PROCR: variants seen among roughly 807,000 people sequenced by gnomAD.
PROCR encodes the protein protein C receptor.
PROCR carries 22 observed loss-of-function variants against 24.2 expected under a neutral mutation model. The observed-to-expected ratio is 0.91, with a 90% confidence interval of 0.65 to 1.30. The LOEUF is 1.30. PROCR is among the 50% of genes most tolerant of loss of function. The pLI is 0.00. For synonymous variants in PROCR, 137 were observed against 139.2 expected (o/e 0.98, Z 0.11); for missense variants, 288 against 307.7 (o/e 0.94, Z 0.48).
At chr20:35,195,467 T>A (rs2086207449) in intron 1 of PROCR, 1 of 152,146 alleles carries the variant, frequency 6.6e-6, no homozygotes, top group African/African-American at 2.4e-5. Context: ...ACCTACTATG[T>A]ACCGATAAAA....
chr20:35,178,807 G>A (rs1319228178), downstream of PROCR, among the ~76,000 whole-genome samples: 1 of 149,138 alleles, frequency 6.7e-6, no homozygotes, highest in Non-Finnish European at 1.5e-5. Flanking sequence ...GAGCCACCGC[G>A]CCCGGCCTAA....
chr20:35,211,753 C>T (rs2060363269), intron 1 of PROCR, among the ~76,000 whole-genome samples: 1 of 151,944 alleles, frequency 6.6e-6, no homozygotes, highest in Admixed American at 6.6e-5. Context: ...GTGGCTCACG[C>T]CTGTAATATC....
In PROCR at chr20:35,177,331, A is replaced by G; in HGVS notation, c.*518A>G. Reference sequence around the variant, plus strand: ...GCAGTGATCAATTATTAATCAATTAATAATATTAATAAATTTCTTATATTT... The same window carrying G: ...GCAGTGATCAATTATTAATCAATTAGTAATATTAATAAATTTCTTATATTT... On this transcript the variant is annotated 3_prime_UTR_variant, in exon 4 of 4. Transcript: ENST00000216968. 2.0e-6 allele frequency: 2 copies of G among 981,076 alleles called. No homozygotes were observed. The highest frequency in any genetic ancestry group is 2.4e-6 in the Non-Finnish European group (2 of 825,992). 60.8% of individuals were successfully genotyped at this position (981,076 alleles called of 1,614,324 possible). A position where few individuals can be genotyped will look rare whatever the true frequency, so the allele number is the denominator to read the frequency against.
At chr20:35,206,510 A>G (rs1315994716) in intron 1 of PROCR, among the ~76,000 whole-genome samples, 1 of 150,714 alleles carries the variant, frequency 6.6e-6, no homozygotes, top group African/African-American at 2.4e-5. Context: ...CTCAAAACTC[A>G]GAAATAAGAA....
chr20:35,171,997 G>A (rs1188904066), upstream of PROCR: 1 of 714,500 alleles, frequency 1.4e-6, no homozygotes, highest in Non-Finnish European at 2.5e-6. Context: ...CACTTTATAA[G>A]CCTCTTCCTC....
chr20:35,214,902 T>TTTTTG (rs1196690882), intron 1 of PROCR, among the ~76,000 whole-genome samples: 4 of 111,226 alleles, frequency 3.6e-5, no homozygotes, highest in Admixed American at 3.3e-4. Context: ...TCCCATTTTC[T>TTTTTG]TTTTCTTTTT....
At chr20:35,209,385 C>A (rs1242447218) in intron 1 of PROCR, among the ~76,000 whole-genome samples, 1 of 151,978 alleles carries the variant, frequency 6.6e-6, no homozygotes, top group Non-Finnish European at 1.5e-5. Flanking sequence ...TTTTGCAGTT[C>A]GGGAATCCCA....
At chr20:35,173,153 A>G (rs1374559034) in intron 1 of PROCR, among the ~76,000 whole-genome samples, 1 of 152,164 alleles carries the variant, frequency 6.6e-6, no homozygotes, top group East Asian at 1.9e-4. Context: ...GACTCATCCA[A>G]ATGTGCTCTG....
chr20:35,174,354 C>T (rs902866248), intron 1 of PROCR: 2 of 367,194 alleles, frequency 5.4e-6, no homozygotes, highest in East Asian at 6.5e-5. Flanking sequence ...GGAGAACAGG[C>T]GATGGAATTG....
Position 35,174,859 on chromosome 20 carries a change from C to T in PROCR, c.228C>T (p.Pro76=). 6.2e-7 allele frequency: 1 copy of T among 1,613,818 alleles called. No individual in the cohort carries two copies. Among genetic ancestry groups the T allele is most frequent in the Non-Finnish European group, 8.5e-7 (1 of 1,179,894 alleles). ...TIIQLQPLQE[P]ESWARTQSGL... ...TTCAGCTGCAGCCCTTGCAGGAGCC[C>T]GAGAGCTGGGCGCGCACGCAGAGTG... Residue 76 remains proline, a synonymous_variant, in exon 2 of 4, where the codon CCC becomes CCT. Transcript: ENST00000216968.
At chr20:35,198,795 A>ACCTC in intron 1 of PROCR, among the ~76,000 whole-genome samples, 1 of 151,706 alleles carries the variant, frequency 6.6e-6, no homozygotes, top group East Asian at 1.9e-4. Flanking sequence ...GCTCACTGCA[A>ACCTC]CCTCCATATG....
chr20:35,211,131 C>T (rs1396975322), intron 1 of PROCR, among the ~76,000 whole-genome samples: 1 of 152,122 alleles, frequency 6.6e-6, no homozygotes, highest in Non-Finnish European at 1.5e-5. Flanking sequence ...AATGAATTTC[C>T]TTAAATATAT....
intron 1 of PROCR, among the ~76,000 whole-genome samples, chr20:35,188,478 G>C (rs1432864787): frequency 1.3e-5 from 2 of 152,154 alleles, no homozygotes; most frequent in African/African-American, 4.8e-5. Flanking sequence ...AGATCTTTGA[G>C]GGCAGAGATT....
chr20:35,185,457 T>C (rs1247506170), intron 1 of PROCR, among the ~76,000 whole-genome samples: 1 of 152,136 alleles, frequency 6.6e-6, no homozygotes, highest in Non-Finnish European at 1.5e-5. Context: ...GCAGCACAAT[T>C]CACCATTGCA....
intron 1 of PROCR, among the ~76,000 whole-genome samples, chr20:35,211,185 CT>C (rs1408802081): frequency 2.0e-5 from 3 of 152,178 alleles, no homozygotes; most frequent in Admixed American, 2.0e-4. Context: ...TACTTTACGG[CT>C]ATTGCATACC....
At chr20:35,172,972 A>G (rs1373637844) in intron 1 of PROCR, among the ~76,000 whole-genome samples, 1 of 152,178 alleles carries the variant, frequency 6.6e-6, no homozygotes, top group African/African-American at 2.4e-5. Context: ...AAAGGTGGGT[A>G]ATATTATTAC....
rs774060495 is a variant in PROCR at position 35,176,712 on chromosome 20, C to T, written c.616C>T (p.Arg206Cys). The T allele has an allele frequency of 7.4e-6, 12 of 1,611,572 alleles. No individual in the cohort carries two copies. The highest frequency in any genetic ancestry group is 5.0e-5 in the Admixed American group (3 of 59,532). Residue 206 changes from arginine (R) to cysteine (C), a missense_variant, in exon 4 of 4, where the codon CGC becomes TGC. Physicochemically the swap from Arg to Cys is radical, Grantham distance 180 (BLOSUM62 -3). Transcript: ENST00000216968. ...AENTKGSQTS[R>C]SYTSLVLGVL... ...ATGTTCTGCAGGGAGCCAAACAAGCCGCTCCTACACTTCGCTGGTCCTGGG... is the reference window on the plus strand; with the variant it reads ...ATGTTCTGCAGGGAGCCAAACAAGCTGCTCCTACACTTCGCTGGTCCTGGG...
chr20:35,187,118 C>T (rs1233010266), intron 1 of PROCR, among the ~76,000 whole-genome samples: 3 of 152,106 alleles, frequency 2.0e-5, no homozygotes, highest in Non-Finnish European at 4.4e-5. Flanking sequence ...TGGTGTGATC[C>T]CAGTTCACTG....
downstream of PROCR, among the ~76,000 whole-genome samples, chr20:35,179,604 A>G (rs560497793): frequency 1.3e-5 from 2 of 152,222 alleles, no homozygotes; most frequent in Non-Finnish European, 2.9e-5. Context: ...CAGACCTCTC[A>G]TTTGCATTGA....
Sources: gnomAD v4.1 joint callset for allele counts (sites outside exome capture counted in the v4.1 genomes callset) on GRCh38, gnomAD v4.1.1 for gene constraint, MANE v1.5 for transcripts, NCBI Gene and HGNC (gene_info 2026-07-23, HGNC 2026-07-21) for gene names.